NTRK3: variants seen among roughly 807,000 people sequenced by gnomAD.
NTRK3 encodes the protein NT-3 growth factor receptor.
Under a neutral mutation model 91.7 loss-of-function variants are expected in NTRK3, and 24 were observed. The observed-to-expected ratio is 0.26, with a 90% CI of 0.19 to 0.37. NTRK3 has a LOEUF of 0.37. Ranked by LOEUF, NTRK3 falls within the 10% of genes least tolerant of loss-of-function variation. NTRK3 has a pLI of 1.00. For missense variants in NTRK3, 880 were observed against 1,068.9 expected, an observed-to-expected ratio of 0.82 and a Z score of 2.46; for synonymous variants, 483 against 404.0, an observed-to-expected ratio of 1.20 and a Z score of -2.34.
chr15:87,947,594 CAG>C (rs545055231), intron 14 of NTRK3, among the ~76,000 whole-genome samples: 12 of 152,180 alleles, frequency 7.9e-5, no homozygotes, highest in African/African-American at 2.6e-4. Flanking sequence ...CACCCAGAAA[CAG>C]AGTTTCCAGG....
intron 5 of NTRK3, among the ~76,000 whole-genome samples, chr15:88,167,217 A>C (rs530143242): frequency 6.6e-6 from 1 of 152,274 alleles, no homozygotes; most frequent in South Asian, 2.1e-4. Context: ...ATCATATCAC[A>C]AGTAAAGCCA....
At chr15:88,135,467 A>G in intron 9 of NTRK3, 70 bp from the exon 10 acceptor site, 1 of 1,538,726 alleles carries the variant, frequency 6.5e-7, no homozygotes, top group Non-Finnish European at 8.8e-7. Context: ...CCTTCCAGCA[A>G]CTAAAATGGG....
intron 14 of NTRK3, among the ~76,000 whole-genome samples, chr15:87,949,279 C>T (rs1040136389): frequency 3.9e-5 from 6 of 151,992 alleles, no homozygotes; most frequent in African/African-American, 1.4e-4. Context: ...GAACCAAGAT[C>T]GTATTGAACC....
intron 13 of NTRK3, among the ~76,000 whole-genome samples, chr15:88,076,307 G>T (rs1420723762): frequency 6.6e-6 from 1 of 152,098 alleles, no homozygotes; most frequent in Non-Finnish European, 1.5e-5. Flanking sequence ...CCACTCCCAT[G>T]ATTCAGTTAC....
intron 5 of NTRK3, among the ~76,000 whole-genome samples, chr15:88,167,641 T>G (rs1388363584): frequency 6.6e-6 from 1 of 152,150 alleles, no homozygotes; most frequent in Non-Finnish European, 1.5e-5. Context: ...AGAGAACTGG[T>G]CATTAGTCGT....
chr15:87,891,204 G>T (rs2065843716), intron 17 of NTRK3, among the ~76,000 whole-genome samples: 1 of 152,064 alleles, frequency 6.6e-6, no homozygotes. Flanking sequence ...AATCTTTGCA[G>T]CTCTTTCTGT....
intron 5 of NTRK3, 102 bp from the exon 6 acceptor site, chr15:88,147,505 C>CCTTCTTCTTCTTCTTCTTCTTCTTCTT (rs34299110): frequency 3.2e-6 from 2 of 616,748 alleles, no homozygotes; most frequent in African/African-American, 3.8e-5. Context: ...GCTTTGTTTT[C>CCTTCTTCTTCTTCTTCTTCTTCTTCTT]CTTCTTCTTC....
chr15:88,179,422 A>T (rs1425070901), intron 5 of NTRK3, among the ~76,000 whole-genome samples: 10 of 152,226 alleles, frequency 6.6e-5, no homozygotes, highest in Non-Finnish European at 2.9e-5. Flanking sequence ...GTGCTGTAAA[A>T]CAAAGCCACC....
intron 6 of NTRK3, among the ~76,000 whole-genome samples, chr15:88,143,687 C>G (rs2042608919): frequency 6.6e-6 from 1 of 152,122 alleles, no homozygotes; most frequent in Admixed American, 6.5e-5. Flanking sequence ...CAGAAATGAT[C>G]ACTATAGTAA....
rs146001088 is a variant in NTRK3 at position 88,150,223 on chromosome 15, C to T, written c.396-2820G>A. ...AGTCCAGGTGAAATGGGCAGCCCTG[C>T]CCATCTCAGAGGGAGGAGCAGGCAG... On this transcript the variant is annotated intron_variant, in intron 5 of 18. Transcript: ENST00000394480. Among the ~76,000 whole-genome samples the T allele has an allele frequency of 1.4e-3, 207 of 152,290 alleles. 1 individual carries two copies. Among genetic ancestry groups the T allele is most frequent in the Admixed American group, 2.2e-3 (33 of 15,298 alleles).
intron 5 of NTRK3, among the ~76,000 whole-genome samples, chr15:88,159,984 ACACACACAC>A (rs1407471094): frequency 2.0e-5 from 3 of 149,952 alleles, no homozygotes; most frequent in African/African-American, 7.5e-5. Context: ...ACACACACAC[ACACACACAC>A]ATTGCTTGAA....
intron 13 of NTRK3, among the ~76,000 whole-genome samples, chr15:88,055,782 T>A (rs2045622690): frequency 6.6e-6 from 1 of 152,062 alleles, no homozygotes; most frequent in Non-Finnish European, 1.5e-5. Context: ...ATACCTAGAC[T>A]GGGAAAGGAG....
chr15:88,103,731 C>A (rs2050409976), intron 13 of NTRK3, among the ~76,000 whole-genome samples: 1 of 152,146 alleles, frequency 6.6e-6, no homozygotes, highest in Non-Finnish European at 1.5e-5. Context: ...GCCATCCCCA[C>A]ATGAAAGCGA....
chr15:88,189,833 CA>C (rs1239989545), intron 3 of NTRK3, among the ~76,000 whole-genome samples: 2 of 152,136 alleles, frequency 1.3e-5, no homozygotes, highest in African/African-American at 4.8e-5. Flanking sequence ...CCAAGCATTC[CA>C]AAATTGGATG....
intron 13 of NTRK3, among the ~76,000 whole-genome samples, chr15:88,081,818 A>G (rs907685898): frequency 6.6e-6 from 1 of 152,004 alleles, no homozygotes; most frequent in Non-Finnish European, 1.5e-5. Context: ...ACCCTCCCCA[A>G]CCACCTTACT....
intron 14 of NTRK3, among the ~76,000 whole-genome samples, chr15:87,985,293 T>C (rs1411836410): frequency 1.3e-5 from 2 of 152,196 alleles, no homozygotes; most frequent in African/African-American, 2.4e-5. Context: ...GGCTGTGTCT[T>C]CCGCATTGCC....
intron 17 of NTRK3, chr15:87,928,383 C>G (rs2068508300): frequency 6.6e-6 from 1 of 152,120 alleles, no homozygotes; most frequent in Non-Finnish European, 1.5e-5. Context: ...ATAAGTGACA[C>G]TCATGGCCAT....
chr15:88,256,194 AGGGGGGTGGGGTG>A, intron 2 of NTRK3, 26 bp from the exon 3 acceptor site: 1 of 275,430 alleles, frequency 3.6e-6, no homozygotes, highest in Non-Finnish European at 6.4e-6. Flanking sequence ...AGGAGAGGAG[AGGGGGGTGGGGTG>A]GGGGGAGTGG....
At chr15:88,126,066 C>G in intron 13 of NTRK3, among the ~76,000 whole-genome samples, 1 of 152,198 alleles carries the variant, frequency 6.6e-6, no homozygotes, top group East Asian at 1.9e-4. Flanking sequence ...TGTGGATCTA[C>G]AGTTTGGTTC....
Sources: gnomAD v4.1 joint callset for allele counts (sites outside exome capture counted in the v4.1 genomes callset) on GRCh38, gnomAD v4.1.1 for gene constraint, MANE v1.5 for transcripts, NCBI Gene and HGNC (gene_info 2026-07-23, HGNC 2026-07-21) for gene names.